RORA: variants seen among roughly 807,000 people sequenced by gnomAD.
RORA encodes the protein nuclear receptor ROR-alpha.
A neutral mutation model predicts 69.5 loss-of-function variants in RORA; 7 were observed. The observed-to-expected ratio is 0.10, with a 90% confidence interval of 0.06 to 0.19. RORA has a LOEUF of 0.19. Ranked by LOEUF, RORA falls within the 10% of genes least tolerant of loss-of-function variation. The pLI is 1.00. For synonymous variants in RORA, 261 were observed against 240.8 expected, an observed-to-expected ratio of 1.08 and a Z score of -0.78; for missense variants, 457 against 663.0, an observed-to-expected ratio of 0.69 and a Z score of 3.41.
intron 2 of RORA, among the ~76,000 whole-genome samples, chr15:60,667,826 G>A (rs951050089): frequency 2.4e-4 from 36 of 151,864 alleles, no homozygotes; most frequent in African/African-American, 8.0e-4. Context: ...GTTTTGCCAC[G>A]TGCCCAGGCT....
chr15:61,072,937 C>T (rs2078388201), intron 1 of RORA, among the ~76,000 whole-genome samples: 1 of 152,236 alleles, frequency 6.6e-6, no homozygotes, highest in South Asian at 2.1e-4. Context: ...TCAGTGTTTG[C>T]ATTCCAATGG....
chr15:60,957,915 C>T (rs1566924972), intron 1 of RORA, among the ~76,000 whole-genome samples: 3 of 151,940 alleles, frequency 2.0e-5, no homozygotes, highest in African/African-American at 7.3e-5. Flanking sequence ...GTAAACATAA[C>T]TAATACTCAA....
At chr15:60,899,711 A>G (rs1891333003) in intron 1 of RORA, among the ~76,000 whole-genome samples, 1 of 152,244 alleles carries the variant, frequency 6.6e-6, no homozygotes, top group Non-Finnish European at 1.5e-5. Context: ...CCGCACTTCA[A>G]ACTAAACCAA....
chr15:60,753,097 A>G (rs982451925), intron 1 of RORA, among the ~76,000 whole-genome samples: 2 of 152,232 alleles, frequency 1.3e-5, no homozygotes, highest in African/African-American at 4.8e-5. Context: ...AGATATGACA[A>G]TAACAGCTCA....
Position 60,663,517 on chromosome 15 carries a change from G to A in RORA, c.196+15140C>T, listed in dbSNP as rs371185753. 3.3e-5 allele frequency among the ~76,000 whole-genome samples: 5 copies of A among 152,194 alleles called. 1 individual carries two copies. The highest frequency in any genetic ancestry group is 2.1e-4 in the South Asian group (1 of 4,832). On this transcript the variant is annotated intron_variant, in intron 2 of 10. Transcript: ENST00000335670. ...GTTGCCCAGGCTGGAGTGCAATGAC[G>A]CGATGTTGGCTCACTGCAACCTCTG...
At chr15:61,039,379 C>T (rs535594932) in intron 1 of RORA, among the ~76,000 whole-genome samples, 55 of 152,194 alleles carry the variant, frequency 3.6e-4, no homozygotes, top group African/African-American at 1.3e-3. Flanking sequence ...TGGTTTCTTT[C>T]TTTTTTCTTT....
intron 2 of RORA, among the ~76,000 whole-genome samples, chr15:60,580,277 T>A (rs193024745): frequency 3.4e-4 from 52 of 152,286 alleles, no homozygotes; most frequent in Non-Finnish European, 6.3e-4. Context: ...TTTCATTATG[T>A]CACACACCTG....
chr15:60,598,312 G>A (rs1337719519), intron 2 of RORA: 1 of 152,162 alleles, frequency 6.6e-6, no homozygotes, highest in Non-Finnish European at 1.5e-5. Context: ...TCGTGTGTGT[G>A]TGTCATGTAT....
intron 1 of RORA, among the ~76,000 whole-genome samples, chr15:60,966,983 A>G (rs1008752508): frequency 2.6e-5 from 4 of 152,170 alleles, no homozygotes; most frequent in African/African-American, 9.7e-5. Flanking sequence ...CCACCTCAGC[A>G]GAATGATCCT....
chr15:61,120,305 CA>C (rs1307028866), intron 1 of RORA, among the ~76,000 whole-genome samples: 2 of 152,152 alleles, frequency 1.3e-5, no homozygotes, highest in Non-Finnish European at 1.5e-5. Context: ...CCAGACCAAT[CA>C]AATCAGAATC....
intron 1 of RORA, among the ~76,000 whole-genome samples, chr15:60,963,313 T>A (rs878866555): frequency 1.2e-4 from 19 of 152,238 alleles, no homozygotes; most frequent in African/African-American, 4.3e-4. Context: ...GAGCCCCTGT[T>A]GCAGAGCACA....
intron 1 of RORA, among the ~76,000 whole-genome samples, chr15:61,025,203 A>G (rs1218548880): frequency 6.6e-6 from 1 of 152,190 alleles, no homozygotes; most frequent in Non-Finnish European, 1.5e-5. Context: ...TTCTTATGGC[A>G]TAGCACTGTA....
intron 1 of RORA, among the ~76,000 whole-genome samples, chr15:60,846,179 A>G (rs929500571): frequency 6.6e-6 from 1 of 152,208 alleles, no homozygotes; most frequent in Non-Finnish European, 1.5e-5. Context: ...CTGCTATACA[A>G]TGATTAAACC....
intron 1 of RORA, among the ~76,000 whole-genome samples, chr15:60,869,075 T>C (rs1020659584): frequency 6.6e-6 from 1 of 152,176 alleles, no homozygotes; most frequent in Non-Finnish European, 1.5e-5. Context: ...TTACAGTATT[T>C]TGATGGTGGT....
At chr15:60,660,735 T>A (rs1303875387) in intron 2 of RORA, among the ~76,000 whole-genome samples, 1 of 146,458 alleles carries the variant, frequency 6.8e-6, no homozygotes, top group Non-Finnish European at 1.5e-5. Flanking sequence ...AGTCTGTGTT[T>A]TGTAACACAC....
intron 1 of RORA, among the ~76,000 whole-genome samples, chr15:60,739,471 T>G (rs887325765): frequency 2.6e-5 from 4 of 151,864 alleles, no homozygotes; most frequent in Admixed American, 6.6e-5. Context: ...CTCGAGGGGC[T>G]GAGTAGGGAA....
chr15:60,732,673 C>T (rs2071444071), intron 1 of RORA, among the ~76,000 whole-genome samples: 2 of 152,072 alleles, frequency 1.3e-5, no homozygotes, highest in South Asian at 2.1e-4. Context: ...CGTACATATC[C>T]ACCCGTGGAC....
At chr15:60,603,804 T>C (rs2068875915) in intron 2 of RORA, among the ~76,000 whole-genome samples, 1 of 152,144 alleles carries the variant, frequency 6.6e-6, no homozygotes, top group Non-Finnish European at 1.5e-5. Context: ...AGCACTGTGC[T>C]TGGGGATCAT....
At chr15:60,972,388 C>T (rs536187365) in intron 1 of RORA, among the ~76,000 whole-genome samples, 87 of 152,166 alleles carry the variant, frequency 5.7e-4, no homozygotes, top group Non-Finnish European at 1.1e-3. Flanking sequence ...GAAGCACTCC[C>T]GGGAGAAACT....
Sources: gnomAD v4.1 joint callset for allele counts (sites outside exome capture counted in the v4.1 genomes callset) on GRCh38, gnomAD v4.1.1 for gene constraint, MANE v1.5 for transcripts, NCBI Gene and HGNC (gene_info 2026-07-23, HGNC 2026-07-21) for gene names.